Variants in FHIT observed in about 807,000 individuals in gnomAD.
FHIT encodes fragile histidine triad diadenosine triphosphatase, also known as bis(5'-adenosyl)-triphosphatase.
In FHIT, 19 loss-of-function variants were observed where a neutral mutation model predicts 17.9. That is an observed-to-expected ratio of 1.06 (90% CI 0.74 to 1.56). The LOEUF is 1.56. Ranked by LOEUF, FHIT falls within the 40% of genes most tolerant of loss-of-function variation. The probability of loss-of-function intolerance (pLI) is 0.00; values close to 1 mark genes in which losing one functional copy is unlikely to be tolerated. For synonymous variants in FHIT, 81 were observed against 69.7 expected, an observed-to-expected ratio of 1.16 and a Z score of -0.81; for missense variants, 248 against 189.2, an observed-to-expected ratio of 1.31 and a Z score of -1.82.
At chr3:60,489,573 C>T (rs2033979026) in intron 5 of FHIT, among the ~76,000 whole-genome samples, 1 of 152,178 alleles carries the variant, frequency 6.6e-6, no homozygotes, top group Non-Finnish European at 1.5e-5. Context: ...GTCCACTTAT[C>T]ACTCACACCT....
chr3:60,711,031 G>A (rs1227542530), intron 4 of FHIT, among the ~76,000 whole-genome samples: 2 of 152,134 alleles, frequency 1.3e-5, no homozygotes, highest in African/African-American at 4.8e-5. Context: ...CCCCCAGTAG[G>A]GGCAGACTGA....
chr3:60,781,283 G>A (rs1163212111), intron 4 of FHIT, among the ~76,000 whole-genome samples: 1 of 152,124 alleles, frequency 6.6e-6, no homozygotes, highest in Admixed American at 6.5e-5. Context: ...TTACCAATGA[G>A]CTTACCATAT....
At chr3:61,104,817 T>G (rs182480367) in intron 2 of FHIT, among the ~76,000 whole-genome samples, 2 of 152,262 alleles carry the variant, frequency 1.3e-5, no homozygotes, top group Admixed American at 6.5e-5. Flanking sequence ...AGAAAGCCAG[T>G]CTTCAAACTC....
At chr3:60,201,738 T>C (rs902442252) in intron 5 of FHIT, among the ~76,000 whole-genome samples, 2 of 152,012 alleles carry the variant, frequency 1.3e-5, no homozygotes, top group African/African-American at 4.8e-5. Flanking sequence ...AAACAGTCAA[T>C]ACTAATAAAT....
intron 5 of FHIT, among the ~76,000 whole-genome samples, chr3:60,324,666 G>T (rs904154439): frequency 3.3e-5 from 5 of 152,026 alleles, no homozygotes; most frequent in Non-Finnish European, 5.9e-5. Flanking sequence ...GCTAAGCATG[G>T]TTATGAACAA....
intron 5 of FHIT, among the ~76,000 whole-genome samples, chr3:60,199,582 T>A (rs563451863): frequency 1.3e-5 from 2 of 152,258 alleles, no homozygotes; most frequent in South Asian, 2.1e-4. Flanking sequence ...AGAATTAATG[T>A]CAGGAGAATA....
intron 4 of FHIT, among the ~76,000 whole-genome samples, chr3:60,677,019 C>T (rs565950401): frequency 6.6e-6 from 1 of 152,152 alleles, no homozygotes; most frequent in South Asian, 2.1e-4. Context: ...GGATTACAGG[C>T]ATGTGGCACC....
rs567905245 is a variant in FHIT, at chr3:59,865,871, C to T, written c.348+56475G>A. Reference sequence around the variant, plus strand: ...TGGGGAGTGAGAGCCTGAGGTTCGGCAGAGGCAGGAACGGGGAGAGAGAGC... The same window carrying T: ...TGGGGAGTGAGAGCCTGAGGTTCGGTAGAGGCAGGAACGGGGAGAGAGAGC... On this transcript the variant is annotated intron_variant, in intron 8 of 9. Transcript: ENST00000492590. Among the ~76,000 whole-genome samples the T allele has an allele frequency of 2.7e-3, 405 of 152,232 alleles. 3 individuals carry two copies. Among genetic ancestry groups the T allele is most frequent in the African/African-American group, 9.6e-3 (397 of 41,522 alleles).
At chr3:60,282,996 G>C (rs1039739449) in intron 5 of FHIT, among the ~76,000 whole-genome samples, 2 of 152,096 alleles carry the variant, frequency 1.3e-5, no homozygotes, top group Admixed American at 1.3e-4. Context: ...GGAAAGACTA[G>C]AGAGCAGCTG....
At chr3:60,683,523 G>C (rs1380912599) in intron 4 of FHIT, among the ~76,000 whole-genome samples, 3 of 56,008 alleles carry the variant, frequency 5.4e-5, no homozygotes, top group Non-Finnish European at 1.1e-4. Context: ...TTTAAATTAA[G>C]ATAACATATT....
At chr3:61,061,700 T>A (rs2034436103) in intron 2 of FHIT, among the ~76,000 whole-genome samples, 1 of 152,092 alleles carries the variant, frequency 6.6e-6, no homozygotes, top group Admixed American at 6.6e-5. Flanking sequence ...CATGACATTG[T>A]CCCTCGGGAG....
intron 8 of FHIT, among the ~76,000 whole-genome samples, chr3:59,890,697 AAG>A (rs780971061): frequency 2.0e-5 from 3 of 152,174 alleles, no homozygotes; most frequent in Admixed American, 2.0e-4. Flanking sequence ...AGCTGCTCAA[AAG>A]AGAGAGAGAA....
At chr3:60,669,427 T>C (rs923539899) in intron 4 of FHIT, among the ~76,000 whole-genome samples, 2 of 152,236 alleles carry the variant, frequency 1.3e-5, no homozygotes, top group Non-Finnish European at 2.9e-5. Context: ...GTGATAATGC[T>C]GTGACAGATT....
At chr3:60,177,369 A>G (rs1701727421) in intron 5 of FHIT, among the ~76,000 whole-genome samples, 1 of 152,170 alleles carries the variant, frequency 6.6e-6, no homozygotes, top group Non-Finnish European at 1.5e-5. Flanking sequence ...TACTAGCACA[A>G]CTGGCTATGA....
At chr3:60,407,239 T>C (rs1701897836) in intron 5 of FHIT, among the ~76,000 whole-genome samples, 1 of 152,056 alleles carries the variant, frequency 6.6e-6, no homozygotes, top group Admixed American at 6.6e-5. Flanking sequence ...ATTTAGTCAT[T>C]TATTTAATCC....
rs1159320268 is a variant in FHIT, at chr3:60,852,010, G to A, written c.-110-29999C>T. Among the ~76,000 whole-genome samples the A allele has an allele frequency of 3.9e-5, 6 of 152,036 alleles. No individual in the cohort carries two copies. The South Asian group carries it at 6.2e-4, about 16-fold the overall frequency. On this transcript the variant is annotated intron_variant, in intron 3 of 9. Transcript: ENST00000492590. ...CAGATATTTGGTCGAACTTTATTCC[G>A]AGTATGGCTGTGAGGGTGCTTTGGA...
intron 4 of FHIT, chr3:60,617,132 G>C (rs1426873933): frequency 4.6e-6 from 1 of 218,692 alleles, no homozygotes; most frequent in Non-Finnish European, 9.8e-6. Flanking sequence ...CGTTCCAAAG[G>C]AGCTAGCAAA....
At chr3:61,211,206 C>A (rs183262513) in intron 1 of FHIT, among the ~76,000 whole-genome samples, 96 of 152,020 alleles carry the variant, frequency 6.3e-4, no homozygotes, top group Admixed American at 1.4e-3. Context: ...TGAGGCATTG[C>A]CTCACTCGGG....
At chr3:60,857,771 A>G (rs545627113) in intron 3 of FHIT, among the ~76,000 whole-genome samples, 2 of 152,134 alleles carry the variant, frequency 1.3e-5, no homozygotes, top group Admixed American at 1.3e-4. Flanking sequence ...TCTACAAAAA[A>G]TGAAAAAATA....
Sources: gnomAD v4.1 joint callset for allele counts (sites outside exome capture counted in the v4.1 genomes callset) on GRCh38, gnomAD v4.1.1 for gene constraint, MANE v1.5 for transcripts, NCBI Gene and HGNC (gene_info 2026-07-23, HGNC 2026-07-21) for gene names.